BTBD19: variants seen among roughly 807,000 people sequenced by gnomAD.
BTBD19 encodes BTB domain containing 19, also known as BTB/POZ domain-containing protein 19.
Under a neutral mutation model 36.1 loss-of-function variants are expected in BTBD19, and 20 were observed. The observed-to-expected ratio is 0.55, with a 90% CI of 0.39 to 0.80. BTBD19 has a LOEUF of 0.80. Among genes scored for constraint, BTBD19 ranks in the 30% least tolerant of loss-of-function variants. The pLI is 0.00. For missense variants in BTBD19, 325 were observed against 389.8 expected (o/e 0.83, Z 1.40); for synonymous variants, 157 against 174.3 (o/e 0.90, Z 0.78).
At chr1:44,812,952 G>A (rs1220316122) in intron 4 of BTBD19, 44 bp from the exon 5 acceptor site, 6 of 1,494,906 alleles carry the variant, frequency 4.0e-6, no homozygotes, top group Non-Finnish European at 5.4e-6. Context: ...GCTGGGCTAC[G>A]GCCTCTCCAG....
At position 44,813,625 on chromosome 1, in the gene BTBD19, C is replaced by T; in HGVS notation, c.742-13C>T. ...CACCGCGGGACTGCGCACTAACTGG[C>T]CTTGCTCTGCAGGTGGAGCAGATTG... On this transcript the variant is annotated splice_polypyrimidine_tract_variant and intron_variant, in intron 7 of 7. Transcript: ENST00000450269. The surrounding 1 kb of genome is among the most constrained non-coding windows in gnomAD (Gnocchi z 7.8). 2 of 1,547,564 alleles carry T rather than the reference C, an allele frequency of 1.3e-6. No homozygotes were observed. The highest frequency in any genetic ancestry group is 2.5e-5 in the East Asian group (1 of 40,784).
At position 44,810,233 on chromosome 1, in the gene BTBD19, G is replaced by T; in HGVS notation, c.107G>T (p.Gly36Val). The T allele has an allele frequency of 6.4e-7, 1 of 1,552,044 alleles. No individual in the cohort carries two copies. The highest frequency in any genetic ancestry group is 8.7e-7 in the Non-Finnish European group (1 of 1,147,034). ...CACAGTGATGTTTGCTTCGTGGTTGGTCAAGAACGGCAGGAGGTATTTGCC... is the reference window on the plus strand; with the variant it reads ...CACAGTGATGTTTGCTTCGTGGTTGTTCAAGAACGGCAGGAGGTATTTGCC... Residue 36 changes from glycine (G) to valine (V), a missense_variant, in exon 2 of 8, where the codon GGT (glycine) becomes GTT (valine). Gly to Val is a moderately radical substitution (Grantham distance 109, BLOSUM62 -3). Coordinates refer to ENST00000450269, the Ensembl canonical transcript of BTBD19. The surrounding 1 kb of genome is among the most constrained non-coding windows in gnomAD (Gnocchi z 4.2).
Position 44,813,823 on chromosome 1 carries a change from C to T in BTBD19, c.*51C>T. The T allele has an allele frequency of 1.3e-6, 2 of 1,549,366 alleles. No individual in the cohort carries two copies. The highest frequency in any genetic ancestry group is 1.7e-6 in the Non-Finnish European group (2 of 1,145,524). On this transcript the variant is annotated 3_prime_UTR_variant, in exon 8 of 8. Transcript: ENST00000450269. This position sits in a 1 kb window ranked among gnomAD's most constrained non-coding sequence, Gnocchi z 7.8. Reference sequence around the variant, plus strand: ...CCTCGACCCGCCCAGCTGAGCCTGCCCCAAACTACAGCTCCCGAAGTGCTC... The same window carrying T: ...CCTCGACCCGCCCAGCTGAGCCTGCTCCAAACTACAGCTCCCGAAGTGCTC...
chr1:44,813,788 C>G lies in BTBD19; in HGVS notation c.*16C>G. On this transcript the variant is annotated 3_prime_UTR_variant, in exon 8 of 8. Coordinates refer to ENST00000450269, the Ensembl canonical transcript of BTBD19. The surrounding 1 kb of genome is among the most constrained non-coding windows in gnomAD (Gnocchi z 7.8). ...CTTCAAATGATCCAACGCCGGGACT[C>G]GCAGGGAGCCCTCGACCCGCCCAGC... is the stretch of plus-strand genomic sequence containing the variant. 3 of 1,551,304 alleles carry G rather than the reference C, an allele frequency of 1.9e-6. No homozygotes were observed. Among genetic ancestry groups the G allele is most frequent in the Non-Finnish European group, 2.6e-6 (3 of 1,146,828 alleles).
At chr1:44,811,322 T>G (rs1164872736) in intron 3 of BTBD19, among the ~76,000 whole-genome samples, 2 of 152,008 alleles carry the variant, frequency 1.3e-5, no homozygotes, top group African/African-American at 4.8e-5. Context: ...AGGAGAAGAC[T>G]TCCCAGAGGA....
intron 3 of BTBD19, 193 bp from the exon 4 acceptor site, chr1:44,811,846 T>C (rs1004124430): frequency 4.9e-5 from 18 of 368,904 alleles, no homozygotes; most frequent in African/African-American, 3.4e-4. Context: ...GGGCTTGGTT[T>C]TGCTAGTCTC....
At position 44,813,200 on chromosome 1, in the gene BTBD19, C is replaced by A. The variant is rs1234302278; in HGVS notation, c.546C>A (p.Arg182=). The change falls in exon 6 of 8, where the codon CGC becomes CGA. Residue 182 remains arginine (R), a synonymous_variant. Coordinates refer to ENST00000450269, the Ensembl canonical transcript of BTBD19. This position sits in a 1 kb window ranked among gnomAD's most constrained non-coding sequence, Gnocchi z 7.8. ...CGGCCGCGCTGCTGCCCCTGCTCCG[C>A]AGCGACAAGCTCTGCGTGGACGAGG... 1 of 1,545,680 alleles carries A rather than the reference C, an allele frequency of 6.5e-7. No individual in the cohort carries two copies. Among genetic ancestry groups the A allele is most frequent in the African/African-American group, 1.4e-5 (1 of 73,006 alleles).
rs1307846045 is a variant in BTBD19, at chr1:44,810,129, G to T, written c.87-84G>T. 1.6e-6 allele frequency: 2 copies of T among 1,228,834 alleles called. No individual in the cohort carries two copies. The highest frequency in any genetic ancestry group is 2.3e-6 in the Non-Finnish European group (2 of 865,076). 76.1% of individuals were successfully genotyped at this position (1,228,834 alleles called of 1,614,324 possible). A position where few individuals can be genotyped will look rare whatever the true frequency, so the allele number is the denominator to read the frequency against. On this transcript the variant is annotated intron_variant, in intron 1 of 7. Coordinates refer to ENST00000450269, the Ensembl canonical transcript of BTBD19. This position sits in a 1 kb window ranked among gnomAD's most constrained non-coding sequence, Gnocchi z 4.2. The stretch of plus-strand genomic sequence containing the variant: ...TCTTACATTCTGGTTAGGAAACTAA[G>T]ACCCAGAGTGGGCAAAGGCACAGCC...
Position 44,810,083 on chromosome 1 carries a change from C to A in BTBD19, c.87-130C>A. The A allele has an allele frequency of 2.5e-6, 2 of 815,698 alleles. No individual in the cohort carries two copies. The highest frequency in any genetic ancestry group is 3.9e-6 in the Non-Finnish European group (2 of 507,826). The allele number at this position is 815,698 out of a possible 1,614,324, so 50.5% of individuals were successfully genotyped here. On this transcript the variant is annotated intron_variant, in intron 1 of 7. Coordinates refer to ENST00000450269, the Ensembl canonical transcript of BTBD19. This position sits in a 1 kb window ranked among gnomAD's most constrained non-coding sequence, Gnocchi z 4.2. ...AGGGCTTTGGGTCCCAGACCTTCTGCTGGAGGGACGAAGCCCTGTCTCTTA... is the reference window on the plus strand; with the variant it reads ...AGGGCTTTGGGTCCCAGACCTTCTGATGGAGGGACGAAGCCCTGTCTCTTA...
intron 1 of BTBD19, among the ~76,000 whole-genome samples, chr1:44,809,921 G>C (rs1003302036): frequency 7.0e-6 from 1 of 143,434 alleles, no homozygotes; most frequent in Non-Finnish European, 1.5e-5. Context: ...ATGCCCCTCA[G>C]TAATCAAGCA....
chr1:44,814,463 A>T (rs1001303540), downstream of BTBD19: 2 of 149,768 alleles, frequency 1.3e-5, no homozygotes, highest in African/African-American at 5.0e-5. Flanking sequence ...ACGCCCGGCT[A>T]ATTTTTTTGA....
exon 1 of BTBD19, chr1:44,808,861 C>A: frequency 6.4e-7 from 1 of 1,550,404 alleles, no homozygotes; most frequent in Middle Eastern, 1.7e-4. Flanking sequence ...AAAGCTGAAC[C>A]TTTTTCCGCA....
rs904012057 is a variant in BTBD19 at position 44,810,942 on chromosome 1, G to A, written c.354+335G>A. Among the ~76,000 whole-genome samples the A allele has an allele frequency of 3.9e-5, 6 of 152,226 alleles. No homozygotes were observed. Among genetic ancestry groups the A allele is most frequent in the East Asian group, 1.9e-4 (1 of 5,180 alleles). ...TGGCATAAGAAGTGTGATAGAGGCCGGGCGCAGTGGCTCACGCCTGTAATC... is the reference window on the plus strand; with the variant it reads ...TGGCATAAGAAGTGTGATAGAGGCCAGGCGCAGTGGCTCACGCCTGTAATC... On this transcript the variant is annotated intron_variant, in intron 3 of 7. Transcript: ENST00000450269. The surrounding 1 kb of genome is among the most constrained non-coding windows in gnomAD (Gnocchi z 4.2).
At chr1:44,814,172 TTC>T (rs200696633), downstream of BTBD19, 90 of 140,802 alleles carry the variant, frequency 6.4e-4, no homozygotes, top group East Asian at 0.019. Context: ...CTTTCTTTCT[TTC>T]TTTCTTTCTT....
intron 1 of BTBD19, among the ~76,000 whole-genome samples, chr1:44,809,708 G>A (rs1366572280): frequency 6.6e-6 from 1 of 152,228 alleles, no homozygotes; most frequent in African/African-American, 2.4e-5. Flanking sequence ...TCTGGCTCAT[G>A]ATGGTGCATC....
intron 4 of BTBD19, 92 bp downstream of exon 4, chr1:44,812,190 C>A: frequency 1.0e-6 from 1 of 1,004,766 alleles, no homozygotes; most frequent in Non-Finnish European, 1.4e-6. Flanking sequence ...CTGTGTCTGG[C>A]CTGGAAATAA....
Position 44,813,282 on chromosome 1 carries a change from G to C in BTBD19, c.615+13G>C. The C allele has an allele frequency of 6.5e-7, 1 of 1,536,494 alleles. No individual in the cohort carries two copies. The highest frequency in any genetic ancestry group is 1.2e-5 in the South Asian group (1 of 83,788). On this transcript the variant is annotated intron_variant, in intron 6 of 7. Coordinates refer to ENST00000450269, the Ensembl canonical transcript of BTBD19. This position sits in a 1 kb window ranked among gnomAD's most constrained non-coding sequence, Gnocchi z 7.8. ...GCGCGTGGGCGCGGTGAGTGGGGCT[G>C]GGGGAGCGCAAGGGCACGGAAGGAG... is the stretch of plus-strand genomic sequence containing the variant.
chr1:44,813,962 G>C lies in BTBD19; in HGVS notation c.*190G>C, dbSNP rs1055189677. 5.3e-6 allele frequency: 5 copies of C among 937,490 alleles called. No individual in the cohort carries two copies. Among genetic ancestry groups the C allele is most frequent in the African/African-American group, 5.0e-5 (3 of 60,306 alleles). The allele number at this position is 937,490 out of a possible 1,614,324, so 58.1% of individuals were successfully genotyped here. The stretch of plus-strand genomic sequence containing the variant: ...GGATCAAGCCCGTGTGGGCGAGGTG[G>C]GGTCGGGCCGGGCAGGGCTTGGGCT... On this transcript the variant is annotated 3_prime_UTR_variant, in exon 8 of 8. Coordinates refer to ENST00000450269, the Ensembl canonical transcript of BTBD19. This position sits in a 1 kb window ranked among gnomAD's most constrained non-coding sequence, Gnocchi z 7.8.
chr1:44,813,207 A>T lies in BTBD19; in HGVS notation c.553A>T (p.Lys185Ter). 1 of 1,545,144 alleles carries T rather than the reference A, an allele frequency of 6.5e-7. No individual in the cohort carries two copies. The highest frequency in any genetic ancestry group is 8.7e-7 in the Non-Finnish European group (1 of 1,145,054). Residue 185 changes from lysine to a stop codon, truncating the protein, a stop_gained, in exon 6 of 8, where the codon AAG becomes TAG. Transcript: ENST00000450269. LOFTEE classifies it high-confidence loss of function. This position sits in a 1 kb window ranked among gnomAD's most constrained non-coding sequence, Gnocchi z 7.8. The stretch of plus-strand genomic sequence containing the variant: ...GCTGCTGCCCCTGCTCCGCAGCGAC[A>T]AGCTCTGCGTGGACGAGGCTGAACT...
Sources: gnomAD v4.1 joint callset for allele counts (sites outside exome capture counted in the v4.1 genomes callset) on GRCh38, gnomAD v4.1.1 for gene constraint, Gnocchi (gnomAD v3.1) non-coding constraint, MANE v1.5 for transcripts, NCBI Gene and HGNC (gene_info 2026-07-23, HGNC 2026-07-21) for gene names.